DOCK3: variants seen among roughly 807,000 people sequenced by gnomAD.
DOCK3 encodes dedicator of cytokinesis protein 3.
DOCK3 carries 60 observed loss-of-function variants against 265.6 expected under a neutral mutation model. That is an observed-to-expected ratio of 0.23 (90% confidence interval 0.18 to 0.28). The LOEUF (loss-of-function observed/expected upper bound fraction) is 0.28. Ranked by LOEUF, DOCK3 falls within the 10% of genes least tolerant of loss-of-function variation. The pLI is 1.00. For synonymous variants in DOCK3, 881 were observed against 938.0 expected (o/e 0.94, Z 1.11); for missense variants, 1,981 against 2,594.3 (o/e 0.76, Z 5.14).
chr3:50,901,669 G>A (rs1301727034), intron 4 of DOCK3: 1 of 454,042 alleles, frequency 2.2e-6, no homozygotes. Flanking sequence ...TAACTGGGCT[G>A]GAGTGCACTG....
chr3:50,747,076 G>C (rs889772732), intron 1 of DOCK3, among the ~76,000 whole-genome samples: 1 of 152,024 alleles, frequency 6.6e-6, no homozygotes, highest in African/African-American at 2.4e-5. Flanking sequence ...TTCCCCACTG[G>C]ATTGTTTTTG....
chr3:51,243,167 G>A lies in DOCK3; in HGVS notation c.2103-3559G>A, dbSNP rs1048658301. 5.3e-5 allele frequency among the ~76,000 whole-genome samples: 8 copies of A among 152,302 alleles called. No individual in the cohort carries two copies. The South Asian group carries it at 8.3e-4, about 16-fold the overall frequency. ...CCTAGGACTGAAGTCTCCCACGGGA[G>A]CAAGTCAAGCCTAGGGGGATGGCCA... is the stretch of plus-strand genomic sequence containing the variant. On this transcript the variant is annotated intron_variant, in intron 21 of 52. Transcript: ENST00000266037.
chr3:51,057,055 T>C (rs559178751), intron 5 of DOCK3, among the ~76,000 whole-genome samples: 2 of 152,360 alleles, frequency 1.3e-5, no homozygotes, highest in East Asian at 3.9e-4. Flanking sequence ...AAAGGTAATA[T>C]ACTTTCTGGC....
intron 5 of DOCK3, among the ~76,000 whole-genome samples, chr3:51,025,227 TC>T (rs1191214126): frequency 6.6e-6 from 1 of 152,190 alleles, no homozygotes; most frequent in Non-Finnish European, 1.5e-5. Flanking sequence ...GCTCTGATTC[TC>T]CTTGTGCAGG....
At chr3:51,182,511 C>T (rs1238453249) in intron 12 of DOCK3, among the ~76,000 whole-genome samples, 3 of 152,190 alleles carry the variant, frequency 2.0e-5, no homozygotes, top group Non-Finnish European at 4.4e-5. Context: ...TCAGGTTCCC[C>T]ATAAGAAGCC....
chr3:51,039,738 A>G (rs565451629), intron 5 of DOCK3, among the ~76,000 whole-genome samples: 1 of 152,064 alleles, frequency 6.6e-6, no homozygotes, highest in South Asian at 2.1e-4. Context: ...GCTGTTATAT[A>G]TATCTACTCC....
At chr3:50,758,189 AAAAAAAAG>A (rs1576349806) in intron 1 of DOCK3, among the ~76,000 whole-genome samples, 4 of 137,770 alleles carry the variant, frequency 2.9e-5, no homozygotes, top group Non-Finnish European at 6.5e-5. Context: ...AAAAAAAAAA[AAAAAAAAG>A]AAAAAAAAAA....
At chr3:50,899,898 T>G (rs1050056680) in intron 4 of DOCK3, among the ~76,000 whole-genome samples, 1 of 152,190 alleles carries the variant, frequency 6.6e-6, no homozygotes, top group Non-Finnish European at 1.5e-5. Context: ...CTCTGGCTGC[T>G]CTTAACATTT....
intron 12 of DOCK3, among the ~76,000 whole-genome samples, chr3:51,170,941 CAAAAAAAAAAA>C (rs146911259): frequency 5.0e-5 from 3 of 60,052 alleles, no homozygotes; most frequent in Admixed American, 3.9e-4. Context: ...GACTCCATCT[CAAAAAAAAAAA>C]AAAAAAAAAG....
intron 19 of DOCK3, among the ~76,000 whole-genome samples, 190 bp downstream of exon 19, chr3:51,229,799 A>G (rs977725558): frequency 1.3e-4 from 20 of 152,126 alleles, no homozygotes; most frequent in African/African-American, 4.6e-4. Context: ...TTAACTGACA[A>G]ATAATAATTA....
At chr3:50,689,187 A>G (rs2035042711) in intron 1 of DOCK3, among the ~76,000 whole-genome samples, 1 of 152,098 alleles carries the variant, frequency 6.6e-6, no homozygotes, top group South Asian at 2.1e-4. Context: ...TGCTAATGTT[A>G]ATCTGTATTT....
At chr3:50,903,781 A>G (rs1217592867) in intron 4 of DOCK3, among the ~76,000 whole-genome samples, 2 of 151,080 alleles carry the variant, frequency 1.3e-5, no homozygotes, top group Non-Finnish European at 3.0e-5. Flanking sequence ...ATTTTTTTTT[A>G]TACTTTAAGT....
At chr3:50,763,444 G>A (rs2040656054) in intron 1 of DOCK3, among the ~76,000 whole-genome samples, 1 of 151,900 alleles carries the variant, frequency 6.6e-6, no homozygotes, top group South Asian at 2.1e-4. Context: ...CACCACACCT[G>A]GCTAACTTCT....
rs891513790 is a variant in DOCK3 at position 50,698,183 on chromosome 3, CT to C, written c.37+22884del. Reference sequence around the variant, plus strand: ...TACCCATTAGCAGTCACTACTCATTCTCTCTCCCCCACCCGGGCACCCCCTA... The same window carrying C: ...TACCCATTAGCAGTCACTACTCATTCCTCTCCCCCACCCGGGCACCCCCTA... On this transcript the variant is annotated intron_variant, in intron 1 of 52. Coordinates refer to ENST00000266037, the MANE Select transcript of DOCK3 (RefSeq NM_004947.5). 7.0e-4 allele frequency among the ~76,000 whole-genome samples: 107 copies of C among 152,140 alleles called. 2 individuals are homozygous for C. Among genetic ancestry groups the C allele is most frequent in the African/African-American group, 2.5e-3 (104 of 41,528 alleles).
In DOCK3 at chr3:51,208,756, C is replaced by T; in HGVS notation, c.1038-18C>T. 1 of 1,595,770 alleles carries T rather than the reference C, an allele frequency of 6.3e-7. No homozygotes were observed. Among genetic ancestry groups the T allele is most frequent in the Non-Finnish European group, 8.5e-7 (1 of 1,170,472 alleles). On this transcript the variant is annotated intron_variant, in intron 12 of 52. Coordinates refer to ENST00000266037, the MANE Select transcript of DOCK3 (RefSeq NM_004947.5). ...TTTAAAATACTTGAGTACCATAACA[C>T]CTGTCCTTCTGTTACAGGTGCAACA...
At chr3:51,206,894 G>A (rs927177611) in intron 12 of DOCK3, among the ~76,000 whole-genome samples, 8 of 152,218 alleles carry the variant, frequency 5.3e-5, no homozygotes, top group Non-Finnish European at 8.8e-5. Context: ...TGCAAAATCT[G>A]TAGGATATGG....
intron 1 of DOCK3, among the ~76,000 whole-genome samples, chr3:50,746,055 A>G (rs2039415607): frequency 6.7e-6 from 1 of 150,118 alleles, no homozygotes; most frequent in Admixed American, 6.6e-5. Flanking sequence ...TTATGTTTTC[A>G]TTCTTTTTAC....
intron 9 of DOCK3, among the ~76,000 whole-genome samples, chr3:51,135,904 C>T (rs2084772503): frequency 6.6e-6 from 1 of 152,012 alleles, no homozygotes; most frequent in African/African-American, 2.4e-5. Context: ...GAGACAGGAT[C>T]TCGCCATATT....
intron 7 of DOCK3, among the ~76,000 whole-genome samples, chr3:51,078,403 CAAAG>C (rs933221281): frequency 3.3e-5 from 5 of 151,906 alleles, no homozygotes; most frequent in African/African-American, 1.2e-4. Flanking sequence ...AATAAAGAAA[CAAAG>C]AAAGAAAATT....
Sources: gnomAD v4.1 joint callset for allele counts (sites outside exome capture counted in the v4.1 genomes callset) on GRCh38, gnomAD v4.1.1 for gene constraint, MANE v1.5 for transcripts, NCBI Gene and HGNC (gene_info 2026-07-23, HGNC 2026-07-21) for gene names.